Variants in ROR1 observed in about 807,000 individuals in gnomAD.
ROR1 encodes inactive tyrosine-protein kinase transmembrane receptor ROR1.
ROR1 carries 19 observed loss-of-function variants against 78.8 expected under a neutral mutation model. The observed-to-expected ratio is 0.24, with a 90% CI of 0.17 to 0.35. ROR1 has a LOEUF of 0.35. Among genes scored for constraint, ROR1 ranks in the 10% least tolerant of loss-of-function variants. The pLI, the probability that ROR1 is intolerant of heterozygous loss-of-function variation, is 1.00. For synonymous variants in ROR1, 386 were observed against 433.6 expected (o/e 0.89, Z 1.36); for missense variants, 917 against 1,177.8 (o/e 0.78, Z 3.24).
At chr1:63,853,352 C>T (rs1381937968) in intron 1 of ROR1, among the ~76,000 whole-genome samples, 1 of 152,182 alleles carries the variant, frequency 6.6e-6, no homozygotes, top group Non-Finnish European at 1.5e-5. Context: ...GTTAAGTATT[C>T]TGCCCAAGAT....
At chr1:63,941,907 A>G (rs1252701771) in intron 1 of ROR1, among the ~76,000 whole-genome samples, 1 of 152,196 alleles carries the variant, frequency 6.6e-6, no homozygotes, top group African/African-American at 2.4e-5. Flanking sequence ...GGTGCCAGAC[A>G]CTGTTCTAAG....
intron 1 of ROR1, among the ~76,000 whole-genome samples, chr1:63,846,836 C>A (rs1645084620): frequency 6.6e-6 from 1 of 152,198 alleles, no homozygotes; most frequent in African/African-American, 2.4e-5. Flanking sequence ...TCTAGAAGCT[C>A]ACTAACACTC....
chr1:64,177,658 A>G lies in ROR1; in HGVS notation c.1617A>G (p.Leu539=). The change falls in exon 9 of 9, where the codon CTA becomes CTG. Residue 539 remains leucine, a synonymous_variant. Transcript: ENST00000371079. The part of the protein sequence containing the change: ...ELHHPNIVCL[L]GAVTQEQPVC... Reference sequence around the variant, plus strand: ...ACCACCCCAATATTGTCTGCCTTCTAGGTGCCGTCACTCAGGAACAACCTG... The same window carrying G: ...ACCACCCCAATATTGTCTGCCTTCTGGGTGCCGTCACTCAGGAACAACCTG... 6.2e-7 allele frequency: 1 copy of G among 1,614,158 alleles called. No individual in the cohort carries two copies. The highest frequency in any genetic ancestry group is 8.5e-7 in the Non-Finnish European group (1 of 1,180,016).
At chr1:63,860,179 A>T (rs1321394388) in intron 1 of ROR1, among the ~76,000 whole-genome samples, 1 of 152,172 alleles carries the variant, frequency 6.6e-6, no homozygotes, top group African/African-American at 2.4e-5. Flanking sequence ...TATTGTTCTA[A>T]AATTCAGGCC....
At chr1:64,096,286 A>G (rs1393978555) in intron 4 of ROR1, among the ~76,000 whole-genome samples, 2 of 151,854 alleles carry the variant, frequency 1.3e-5, no homozygotes, top group Non-Finnish European at 2.9e-5. Context: ...GGGTTTTTAC[A>G]TAGGTAAATG....
At chr1:63,904,834 A>G (rs1645516430) in intron 1 of ROR1, among the ~76,000 whole-genome samples, 1 of 152,198 alleles carries the variant, frequency 6.6e-6, no homozygotes, top group Non-Finnish European at 1.5e-5. Context: ...ACCTGCTGAT[A>G]TCTTGATCTC....
At chr1:64,050,772 A>C in intron 4 of ROR1, 56 bp downstream of exon 4, 1 of 1,554,300 alleles carries the variant, frequency 6.4e-7, no homozygotes, top group Middle Eastern at 1.7e-4. Flanking sequence ...GTGGTTTTCT[A>C]GGGCAAAAGC....
chr1:64,098,113 G>C (rs914874024), intron 4 of ROR1, among the ~76,000 whole-genome samples: 1 of 152,050 alleles, frequency 6.6e-6, no homozygotes, highest in African/African-American at 2.4e-5. Flanking sequence ...TTTCAAATTC[G>C]TTCCAGGTAA....
At chr1:63,813,741 G>A (rs1644873901) in intron 1 of ROR1, among the ~76,000 whole-genome samples, 1 of 152,208 alleles carries the variant, frequency 6.6e-6, no homozygotes, top group Non-Finnish European at 1.5e-5. Context: ...CATTTATATT[G>A]AGGGTGGAAA....
intron 4 of ROR1, among the ~76,000 whole-genome samples, chr1:64,071,545 G>A (rs940413049): frequency 4.6e-5 from 7 of 151,624 alleles, no homozygotes; most frequent in South Asian, 2.1e-4. Flanking sequence ...CTCATGTCCC[G>A]TTCTGGTCCA....
chr1:63,786,723 C>A (rs567767134), intron 1 of ROR1, among the ~76,000 whole-genome samples: 1 of 152,028 alleles, frequency 6.6e-6, no homozygotes, highest in Non-Finnish European at 1.5e-5. Context: ...CTTAGCCATC[C>A]CAGGATGTGG....
chr1:64,140,148 A>T lies in ROR1; in HGVS notation c.650A>T (p.Asp217Val). The T allele has an allele frequency of 6.2e-7, 1 of 1,614,032 alleles. No homozygotes were observed. The highest frequency in any genetic ancestry group is 8.5e-7 in the Non-Finnish European group (1 of 1,179,984). ...TMIGTSSHLSDKCSQFAIPSL... is the reference protein window; with the variant it reads ...TMIGTSSHLSVKCSQFAIPSL... ...ATTGGCACTTCCAGTCACTTATCTG[A>T]TAAGTGTTCTCAGTTCGCCATTCCT... Residue 217 changes from aspartate to valine, a missense_variant, in exon 6 of 9, where the codon GAT (aspartate) becomes GTT (valine). Around this residue, in one of 3 missense-constraint regions of ROR1, gnomAD observed 835 missense variants for 1,069.8 expected, o/e 0.78. Transcript: ENST00000371079.
chr1:64,136,822 C>T (rs1649120079), intron 4 of ROR1, among the ~76,000 whole-genome samples: 1 of 151,918 alleles, frequency 6.6e-6, no homozygotes, highest in South Asian at 2.1e-4. Flanking sequence ...TATGGTTTGC[C>T]CTGGTCCTCT....
At chr1:64,016,026 T>G (rs1402190972) in intron 2 of ROR1, among the ~76,000 whole-genome samples, 1 of 152,098 alleles carries the variant, frequency 6.6e-6, no homozygotes, top group Non-Finnish European at 1.5e-5. Flanking sequence ...CCCCACCAAC[T>G]CCCTTCTGTT....
chr1:64,006,843 C>T (rs1237794745), intron 1 of ROR1, among the ~76,000 whole-genome samples: 1 of 152,164 alleles, frequency 6.6e-6, no homozygotes, highest in East Asian at 1.9e-4. Context: ...CCTTTTGTCT[C>T]TGCTGTGGCA....
chr1:63,816,649 G>A (rs1422579527), intron 1 of ROR1, among the ~76,000 whole-genome samples: 1 of 152,104 alleles, frequency 6.6e-6, no homozygotes, highest in Non-Finnish European at 1.5e-5. Context: ...TTTAGCCTCG[G>A]TTTCTTTGTC....
chr1:64,083,630 G>T (rs1001002192), intron 4 of ROR1, among the ~76,000 whole-genome samples: 1 of 149,382 alleles, frequency 6.7e-6, no homozygotes, highest in Non-Finnish European at 1.5e-5. Flanking sequence ...GAATTAAAAT[G>T]CTGAAAGCAG....
At chr1:64,173,567 G>A (rs1414307769) in intron 8 of ROR1, among the ~76,000 whole-genome samples, 1 of 152,204 alleles carries the variant, frequency 6.6e-6, no homozygotes, top group East Asian at 1.9e-4. Flanking sequence ...AAAACAGAGA[G>A]CCTTGGAGTT....
At chr1:63,923,308 G>A (rs17125820) in intron 1 of ROR1, among the ~76,000 whole-genome samples, 5,772 of 152,196 alleles carry the variant, frequency 0.038, 370 homozygotes, top group African/African-American at 0.13. Flanking sequence ...CACTGGAGAC[G>A]CAAGGTCCTG....
Sources: gnomAD v4.1 joint callset for allele counts (sites outside exome capture counted in the v4.1 genomes callset) on GRCh38, gnomAD v4.1.1 for gene constraint, gnomAD v4.1.1 regional missense constraint, MANE v1.5 for transcripts, NCBI Gene and HGNC (gene_info 2026-07-23, HGNC 2026-07-21) for gene names.